PCDH15: variants seen among roughly 807,000 people sequenced by gnomAD.
PCDH15 encodes the protein protocadherin related 15.
A neutral mutation model predicts 178.5 loss-of-function variants in PCDH15; 129 were observed. That is an observed-to-expected ratio of 0.72 (90% CI 0.63 to 0.84). The LOEUF (loss-of-function observed/expected upper bound fraction) is 0.84, where lower values mean the gene tolerates loss of function less well. Among genes scored for constraint, PCDH15 ranks in the 40% least tolerant of loss-of-function variants. PCDH15 has a pLI of 0.00. For synonymous variants in PCDH15, 800 were observed against 732.0 expected (o/e 1.09, Z -1.50); for missense variants, 2,230 against 2,099.9 (o/e 1.06, Z -1.21).
chr10:54,184,546 C>T (rs2048317329), intron 12 of PCDH15, among the ~76,000 whole-genome samples: 1 of 151,826 alleles, frequency 6.6e-6, no homozygotes, highest in South Asian at 2.1e-4. Context: ...CCTTGATTAG[C>T]CTAACCCATG....
intron 3 of PCDH15, among the ~76,000 whole-genome samples, chr10:54,465,982 C>T (rs1220206585): frequency 1.3e-5 from 2 of 151,836 alleles, no homozygotes; most frequent in Non-Finnish European, 2.9e-5. Flanking sequence ...TTTACACTTC[C>T]ATGATGATTA....
chr10:55,283,248 C>A (rs1842778573), intron 1 of PCDH15, among the ~76,000 whole-genome samples: 1 of 151,996 alleles, frequency 6.6e-6, no homozygotes, highest in African/African-American at 2.4e-5. Context: ...GGTCTCGTGG[C>A]CCTTACCCAA....
At chr10:55,543,385 A>ATT (rs1198106251) in intron 2 of PCDH15, among the ~76,000 whole-genome samples, 2 of 149,390 alleles carry the variant, frequency 1.3e-5, no homozygotes, top group Admixed American at 1.3e-4. Context: ...GCCTGTATAT[A>ATT]TATATATGTA....
At chr10:53,822,819 TTC>T in intron 32 of PCDH15, 3 of 1,613,950 alleles carry the variant, frequency 1.9e-6, no homozygotes, top group Non-Finnish European at 2.5e-6. Context: ...TATTTCCTCT[TTC>T]TCTGTCAAAT....
intron 21 of PCDH15, among the ~76,000 whole-genome samples, chr10:53,976,157 T>G (rs540357653): frequency 6.6e-6 from 1 of 152,288 alleles, no homozygotes; most frequent in Non-Finnish European, 1.5e-5. Flanking sequence ...CCGTGTTGTT[T>G]TGATTACTGC....
chr10:54,519,939 C>T (rs2082668272), intron 3 of PCDH15, among the ~76,000 whole-genome samples: 3 of 152,120 alleles, frequency 2.0e-5, no homozygotes, highest in Admixed American at 1.3e-4. Context: ...CTTTGACAAA[C>T]CTGACAAAAA....
chr10:54,380,640 C>CATCTATAT (rs1565131136), intron 3 of PCDH15, among the ~76,000 whole-genome samples: 1 of 7,696 alleles, frequency 1.3e-4, no homozygotes, highest in Admixed American at 1.9e-3. Flanking sequence ...TGTGTGTATG[C>CATCTATAT]ATGTATATAT....
At chr10:54,242,128 T>C (rs868013165) in intron 8 of PCDH15, among the ~76,000 whole-genome samples, 6 of 62,006 alleles carry the variant, frequency 9.7e-5, no homozygotes, top group African/African-American at 3.8e-4. Flanking sequence ...TGAATTCTAT[T>C]TTTATATATA....
In PCDH15 at chr10:55,183,218, T is replaced by C. The variant is rs1839700298; in HGVS notation, c.-155-16567A>G. Among the ~76,000 whole-genome samples the C allele has an allele frequency of 2.0e-5, 3 of 152,032 alleles. No homozygotes were observed. The South Asian group carries it at 6.2e-4, about 31-fold the overall frequency. ...TTCATATATTTTGCATTATACCATT[T>C]GTCCTTATGAATGTCTCATTTTAGA... On this transcript the variant is annotated intron_variant, in intron 1 of 5. Transcript: ENST00000458638.
chr10:55,624,908 G>GA (rs925412257), intron 2 of PCDH15, among the ~76,000 whole-genome samples: 47 of 151,686 alleles, frequency 3.1e-4, no homozygotes, highest in African/African-American at 1.1e-3. Context: ...AAATTTACTA[G>GA]AAAAAAAATG....
intron 2 of PCDH15, among the ~76,000 whole-genome samples, chr10:55,144,822 T>C (rs544591041): frequency 2.1e-5 from 3 of 144,278 alleles, no homozygotes; most frequent in Non-Finnish European, 4.7e-5. Context: ...ATATACTTTT[T>C]AAATGATTTT....
At chr10:54,119,942 G>T (rs1349146437) in intron 15 of PCDH15, among the ~76,000 whole-genome samples, 1 of 151,868 alleles carries the variant, frequency 6.6e-6, no homozygotes, top group African/African-American at 2.4e-5. Context: ...TCCCTGACAG[G>T]CCCTGGTGTG....
chr10:53,815,734 T>C (rs1038463937), intron 35 of PCDH15, among the ~76,000 whole-genome samples: 12 of 151,712 alleles, frequency 7.9e-5, no homozygotes, highest in African/African-American at 2.7e-4. Context: ...AATACAATAA[T>C]ATATATTTAT....
intron 2 of PCDH15, among the ~76,000 whole-genome samples, chr10:54,994,659 A>G (rs1320106724): frequency 6.6e-6 from 1 of 152,148 alleles, no homozygotes; most frequent in Non-Finnish European, 1.5e-5. Flanking sequence ...GTTATTATAA[A>G]CCAAGTGTAT....
chr10:54,186,338 ATG>A (rs1259143304), intron 11 of PCDH15, among the ~76,000 whole-genome samples: 1 of 151,980 alleles, frequency 6.6e-6, no homozygotes, highest in Non-Finnish European at 1.5e-5. Context: ...AAATTGTTAA[ATG>A]TGTTTAATTT....
intron 2 of PCDH15, among the ~76,000 whole-genome samples, chr10:54,648,769 T>C (rs2094190467): frequency 6.6e-6 from 1 of 152,122 alleles, no homozygotes; most frequent in Non-Finnish European, 1.5e-5. Flanking sequence ...TGAATGAAAA[T>C]ACTCAGCATA....
intron 2 of PCDH15, among the ~76,000 whole-genome samples, chr10:55,452,386 G>A (rs1351800671): frequency 6.6e-6 from 1 of 152,050 alleles, no homozygotes; most frequent in Non-Finnish European, 1.5e-5. Flanking sequence ...GCAGATACAG[G>A]CCAAGGTTAG....
At position 54,032,359 on chromosome 10, in the gene PCDH15, G is replaced by T. The variant is rs1269367632; in HGVS notation, c.2221-9162C>A. On this transcript the variant is annotated intron_variant, in intron 18 of 37. Coordinates refer to ENST00000644397, the MANE Select transcript of PCDH15 (RefSeq NM_001384140.1). Reference sequence around the variant, plus strand: ...GCTTTTTTTCTGTCATTTTTTAATAGCCCACATGAAATTAAGAATTCATAA... The same window carrying T: ...GCTTTTTTTCTGTCATTTTTTAATATCCCACATGAAATTAAGAATTCATAA... Among the ~76,000 whole-genome samples the T allele has an allele frequency of 4.0e-5, 6 of 151,388 alleles. No individual in the cohort carries two copies. The East Asian group carries it at 7.8e-4, about 20-fold the overall frequency.
At chr10:54,099,147 C>A (rs1165713930) in intron 15 of PCDH15, among the ~76,000 whole-genome samples, 1 of 152,054 alleles carries the variant, frequency 6.6e-6, no homozygotes, top group Non-Finnish European at 1.5e-5. Context: ...TGAATGAAAT[C>A]AGTACACAGT....
Sources: gnomAD v4.1 joint callset for allele counts (sites outside exome capture counted in the v4.1 genomes callset) on GRCh38, gnomAD v4.1.1 for gene constraint, MANE v1.5 for transcripts, NCBI Gene and HGNC (gene_info 2026-07-23, HGNC 2026-07-21) for gene names.